The following TMPRSS13 variants were observed in gnomAD, a reference collection of about 807,000 sequenced individuals.
The protein encoded by TMPRSS13 is transmembrane serine protease 13.
A neutral mutation model predicts 68.4 loss-of-function variants in TMPRSS13; 50 were observed. That is an observed-to-expected ratio of 0.73 (90% CI 0.58 to 0.93). TMPRSS13 has a LOEUF of 0.93. Ranked by LOEUF, TMPRSS13 falls within the 40% of genes least tolerant of loss-of-function variation. TMPRSS13 has a pLI of 0.00. For synonymous variants in TMPRSS13, 267 were observed against 285.8 expected (o/e 0.93, Z 0.66); for missense variants, 615 against 729.2 (o/e 0.84, Z 1.80).
In TMPRSS13 at chr11:117,903,795, C is replaced by T. The variant is rs1250021801; in HGVS notation, c.1537G>A (p.Gly513Arg). The T allele has an allele frequency of 3.1e-6, 5 of 1,610,764 alleles. No individual in the cohort carries two copies. The South Asian group carries it at 3.3e-5, about 11-fold the overall frequency. ...TTGTTCTGCTCACAGACAAGAGGCC[C>T]CCCGCTGTCTCCCTGCAGGGGAGAG... is the stretch of plus-strand genomic sequence containing the variant. ...GRDSCQGDSG[G>R]PLVCEQNNRW... Residue 513 changes from glycine (G) to arginine (R), a missense_variant, in exon 12 of 13, where the codon GGG (glycine) becomes AGG (arginine). Gly to Arg is a moderately radical substitution (Grantham distance 125). Coordinates refer to ENST00000524993, the MANE Select transcript of TMPRSS13 (RefSeq NM_001077263.3).
chr11:117,923,319 C>T (rs779685617), intron 1 of TMPRSS13, among the ~76,000 whole-genome samples: 7 of 152,240 alleles, frequency 4.6e-5, no homozygotes, highest in Non-Finnish European at 8.8e-5. Flanking sequence ...CAGTTGCAGA[C>T]TCTGCCCCTT....
In TMPRSS13 at chr11:117,922,830, A is replaced by T. The variant is rs751800227; in HGVS notation, c.22-3992T>A. Among the ~76,000 whole-genome samples the T allele has an allele frequency of 2.0e-5, 3 of 152,210 alleles. No homozygotes were observed. Among genetic ancestry groups the T allele is most frequent in the Non-Finnish European group, 4.4e-5 (3 of 68,032 alleles). On this transcript the variant is annotated intron_variant, in intron 1 of 12. Transcript: ENST00000524993. The surrounding 1 kb of genome is among the most constrained non-coding windows in gnomAD (Gnocchi z 4.2). Reference sequence around the variant, plus strand: ...TCTCCTCCCCACCTACCCGTGGGGTAGTCTCTGAGGTTACCCCCTGCAGTA... The same window carrying T: ...TCTCCTCCCCACCTACCCGTGGGGTTGTCTCTGAGGTTACCCCCTGCAGTA...
In TMPRSS13 at chr11:117,902,209, C is replaced by A; in HGVS notation, c.*30G>T. 6.2e-7 allele frequency: 1 copy of A among 1,612,268 alleles called. No individual in the cohort carries two copies. The highest frequency in any genetic ancestry group is 1.1e-5 in the South Asian group (1 of 91,034). On this transcript the variant is annotated 3_prime_UTR_variant, in exon 13 of 13. Coordinates refer to ENST00000524993, the MANE Select transcript of TMPRSS13 (RefSeq NM_001077263.3). ...CCATGGCCAGAGTCTTCACAGCAGC[C>A]GGTGCTGTGCAGAGCAGCAGGCCAG...
intron 1 of TMPRSS13, among the ~76,000 whole-genome samples, chr11:117,920,417 A>C (rs7927300): frequency 0.8 from 121,240 of 151,964 alleles, 48,694 homozygotes; most frequent in African/African-American, 0.89. Context: ...TGGCTCACTG[A>C]AACCTCCGCC....
At chr11:117,916,467 T>C (rs1565350618) in intron 3 of TMPRSS13, among the ~76,000 whole-genome samples, 2 of 152,218 alleles carry the variant, frequency 1.3e-5, no homozygotes, top group Non-Finnish European at 2.9e-5. Context: ...TCAAATGCAT[T>C]TGCCCTTCAA....
At chr11:117,923,838 T>TTAAAA (rs56359328) in intron 1 of TMPRSS13, among the ~76,000 whole-genome samples, 90,486 of 127,828 alleles carry the variant, frequency 0.71, 34,014 homozygotes, top group Non-Finnish European at 0.81. Context: ...GTATAATAAT[T>TTAAAA]AAAAAAAAAA....
chr11:117,913,317 C>G (rs1212780216), intron 5 of TMPRSS13, among the ~76,000 whole-genome samples: 2 of 152,224 alleles, frequency 1.3e-5, no homozygotes, highest in Non-Finnish European at 2.9e-5. Context: ...CCTAGCCTCA[C>G]CTGCCCCATT....
chr11:117,928,261 G>C (rs2057725800), intron 1 of TMPRSS13, among the ~76,000 whole-genome samples: 1 of 152,214 alleles, frequency 6.6e-6, no homozygotes, highest in Non-Finnish European at 1.5e-5. Flanking sequence ...TGGTGAGGTA[G>C]AGACATGAAC....
At position 117,929,276 on chromosome 11, in the gene TMPRSS13, G is replaced by C. The variant is rs367963799; in HGVS notation, c.21+11C>G. On this transcript the variant is annotated intron_variant, in intron 1 of 12. Transcript: ENST00000524993. ...GGGAGAATCTGGCCCGAGGCCTGAG[G>C]TCACACTCACCCCGTGGCTGTCCCT... 5.6e-6 allele frequency: 9 copies of C among 1,603,056 alleles called. No individual in the cohort carries two copies. The South Asian group carries it at 9.0e-5, about 16-fold the overall frequency.
Position 117,917,224 on chromosome 11 carries a change from G to A in TMPRSS13, c.502C>T (p.Leu168Phe), listed in dbSNP as rs200625070. Residue 168 changes from leucine to phenylalanine, a missense_variant, in exon 3 of 13, where the codon CTC becomes TTC. Coordinates refer to ENST00000524993, the MANE Select transcript of TMPRSS13 (RefSeq NM_001077263.3). ...ATGAGGAGGAGCACGCACCCGATGA[G>A]CGGTAGCTGCTTCTGGCCCTCCCGC... ...TWREGQKQLP[L>F]IGCVLLLIAL... 62 of 1,612,952 alleles carry A rather than the reference G, an allele frequency of 3.8e-5. No individual in the cohort carries two copies. Among genetic ancestry groups the A allele is most frequent in the Non-Finnish European group, 5.0e-5 (59 of 1,180,016 alleles).
At chr11:117,917,458 G>GA (rs2057590680) in intron 2 of TMPRSS13, among the ~76,000 whole-genome samples, 184 bp from the exon 3 acceptor site, 1 of 152,182 alleles carries the variant, frequency 6.6e-6, no homozygotes, top group African/African-American at 2.4e-5. Context: ...TGTCCCATCT[G>GA]AAAATGCAAA....
intron 10 of TMPRSS13, among the ~76,000 whole-genome samples, chr11:117,905,408 G>A (rs2057454606): frequency 6.6e-6 from 1 of 152,034 alleles, no homozygotes; most frequent in Admixed American, 6.6e-5. Context: ...TTCAACCACA[G>A]CAGTTTTCCA....
At chr11:117,911,735 T>C in intron 6 of TMPRSS13, 33 bp downstream of exon 6, 1 of 1,589,110 alleles carries the variant, frequency 6.3e-7, no homozygotes, top group East Asian at 2.2e-5. Context: ...CTTCCCCTGC[T>C]CACAAACAGG....
chr11:117,916,573 G>T (rs928612355), intron 3 of TMPRSS13, among the ~76,000 whole-genome samples: 1 of 152,214 alleles, frequency 6.6e-6, no homozygotes, highest in Non-Finnish European at 1.5e-5. Flanking sequence ...TTCCCACTGT[G>T]CTGGGCTCAT....
chr11:117,920,487 C>T (rs1475498269), intron 1 of TMPRSS13, among the ~76,000 whole-genome samples: 1 of 151,860 alleles, frequency 6.6e-6, no homozygotes, highest in East Asian at 1.9e-4. Flanking sequence ...TACAGGTGTG[C>T]ACCACCGTGC....
Position 117,914,888 on chromosome 11 carries a change from C to T in TMPRSS13, c.557-374G>A, listed in dbSNP as rs527433217. On this transcript the variant is annotated intron_variant, in intron 3 of 12. Transcript: ENST00000524993. The surrounding 1 kb of genome is among the most constrained non-coding windows in gnomAD (Gnocchi z 4.2). ...TATCCCAGAGCTTCCCTCTCAGAAC[C>T]CCTCTGCCATCCCATCTTCTCTGTG... 8.5e-5 allele frequency among the ~76,000 whole-genome samples: 13 copies of T among 152,306 alleles called. No homozygotes were observed. The highest frequency in any genetic ancestry group is 3.1e-4 in the African/African-American group (13 of 41,556).
At chr11:117,910,432 A>C in intron 7 of TMPRSS13, 1 of 468,802 alleles carries the variant, frequency 2.1e-6, no homozygotes, top group Non-Finnish European at 3.8e-6. Flanking sequence ...AAACATAGGA[A>C]GAATACACTT....
intron 1 of TMPRSS13, among the ~76,000 whole-genome samples, chr11:117,920,233 G>C (rs61570248): frequency 6.6e-6 from 1 of 152,224 alleles, no homozygotes; most frequent in Non-Finnish European, 1.5e-5. Context: ...CTAGAGCGAA[G>C]CACCTTGCTT....
At chr11:117,913,667 G>T in intron 5 of TMPRSS13, 110 bp downstream of exon 5, 1 of 1,406,800 alleles carries the variant, frequency 7.1e-7, no homozygotes, top group African/African-American at 1.4e-5. Flanking sequence ...GATCAGCCCC[G>T]GTCCCCAAGG....
Sources: gnomAD v4.1 joint callset for allele counts (sites outside exome capture counted in the v4.1 genomes callset) on GRCh38, gnomAD v4.1.1 for gene constraint, Gnocchi (gnomAD v3.1) non-coding constraint, MANE v1.5 for transcripts, NCBI Gene and HGNC (gene_info 2026-07-23, HGNC 2026-07-21) for gene names.